RAB40C: variants seen among roughly 807,000 people sequenced by gnomAD.
RAB40C encodes ras-related protein Rab-40C.
In RAB40C, 8 loss-of-function variants were observed where a neutral mutation model predicts 28.1. The observed-to-expected ratio is 0.28, with a 90% CI of 0.17 to 0.51. The LOEUF (loss-of-function observed/expected upper bound fraction) is 0.51. Among genes scored for constraint, RAB40C ranks in the 20% least tolerant of loss-of-function variants. The probability of loss-of-function intolerance (pLI) is 0.97; values close to 1 mark genes in which losing one functional copy is unlikely to be tolerated. For synonymous variants in RAB40C, 201 were observed against 171.7 expected (o/e 1.17, Z -1.34); for missense variants, 288 against 405.9 (o/e 0.71, Z 2.50).
At chr16:624,572 C>T in intron 3 of RAB40C, 1 of 985,360 alleles carries the variant, frequency 1.0e-6, no homozygotes, top group Non-Finnish European at 1.2e-6. Flanking sequence ...CTCTAAAAAC[C>T]CTAATTTTCA....
chr16:600,488 C>T (rs866885378), intron 1 of RAB40C, among the ~76,000 whole-genome samples: 20 of 152,236 alleles, frequency 1.3e-4, no homozygotes, highest in African/African-American at 4.6e-4. Flanking sequence ...CACGGTGGCT[C>T]ACGCCTGTGA....
intron 1 of RAB40C, 48 bp downstream of exon 1, chr16:590,481 G>A (rs1204227744): frequency 2.0e-6 from 3 of 1,483,218 alleles, no homozygotes. Flanking sequence ...CCCGAGCCCG[G>A]CGAGCTGGGC....
In RAB40C at chr16:629,216, C is replaced by T. The variant is rs1284910859; in HGVS notation, c.*1594C>T. On this transcript the variant is annotated 3_prime_UTR_variant, in exon 6 of 6. Coordinates refer to ENST00000248139, the MANE Select transcript of RAB40C (RefSeq NM_021168.5). ...CGCTGCTGTTAGACACTCCGCCATT[C>T]CTGGTTCTCTCCGAACCGTTCTTTG... The T allele has an allele frequency of 3.9e-6, 1 of 257,018 alleles. No homozygotes were observed. The highest frequency in any genetic ancestry group is 8.0e-6 in the Non-Finnish European group (1 of 124,618). The allele number at this position is 257,018 out of a possible 1,614,324, so 15.9% of individuals were successfully genotyped here.
chr16:590,186 G>T lies in RAB40C; in HGVS notation c.-106G>T. 1 of 854,076 alleles carries T rather than the reference G, an allele frequency of 1.2e-6. No homozygotes were observed. The highest frequency in any genetic ancestry group is 1.4e-6 in the Non-Finnish European group (1 of 696,662). The allele number at this position is 854,076 out of a possible 1,614,324, so 52.9% of individuals were successfully genotyped here. ...CGGGCGCGCCCACTCGGCCGCCGTGGGGCGGACGCAACGGGCGCAGGTGCG... is the reference window on the plus strand; with the variant it reads ...CGGGCGCGCCCACTCGGCCGCCGTGTGGCGGACGCAACGGGCGCAGGTGCG... On this transcript the variant is annotated 5_prime_UTR_variant, in exon 1 of 6. Coordinates refer to ENST00000248139, the MANE Select transcript of RAB40C (RefSeq NM_021168.5).
intron 1 of RAB40C, among the ~76,000 whole-genome samples, chr16:593,083 G>C (rs751758957): frequency 5.9e-5 from 9 of 152,232 alleles, no homozygotes; most frequent in East Asian, 1.9e-4. Context: ...CTGTGGCCTC[G>C]AGCAGAGAAG....
At chr16:600,797 A>T (rs1791537525) in intron 1 of RAB40C, among the ~76,000 whole-genome samples, 1 of 152,210 alleles carries the variant, frequency 6.6e-6, no homozygotes, top group South Asian at 2.1e-4. Flanking sequence ...CGTCACACAG[A>T]CAGTTTAACA....
chr16:598,050 T>G (rs1054385550), intron 1 of RAB40C, among the ~76,000 whole-genome samples: 7 of 142,800 alleles, frequency 4.9e-5, no homozygotes, highest in African/African-American at 1.0e-4. Context: ...ATTGAGACCA[T>G]CCTGGCCAAC....
chr16:599,454 C>T lies in RAB40C; in HGVS notation c.142+9021C>T, dbSNP rs145862810. Reference sequence around the variant, plus strand: ...CAGGTCAGCAAGGAGGAGGCAGCTTCCCTTGGGGCCACGCCGTGCCTCCTC... The same window carrying T: ...CAGGTCAGCAAGGAGGAGGCAGCTTTCCTTGGGGCCACGCCGTGCCTCCTC... On this transcript the variant is annotated intron_variant, in intron 1 of 5. Coordinates refer to ENST00000248139, the MANE Select transcript of RAB40C (RefSeq NM_021168.5). Among the ~76,000 whole-genome samples, 98 of 152,388 alleles carry T rather than the reference C, an allele frequency of 6.4e-4. 6 individuals carry two copies. In the South Asian group the frequency reaches 0.012, roughly 18 times the overall value.
chr16:619,328 A>ATG (rs1244433189), intron 3 of RAB40C, among the ~76,000 whole-genome samples: 1 of 146,228 alleles, frequency 6.8e-6, no homozygotes, highest in African/African-American at 2.6e-5. Flanking sequence ...ACTCAGGGCC[A>ATG]TGTGTGTGTG....
chr16:623,299 A>G (rs1344595831), intron 3 of RAB40C, among the ~76,000 whole-genome samples: 1 of 152,174 alleles, frequency 6.6e-6, no homozygotes, highest in African/African-American at 2.4e-5. Context: ...CATTTGTTTT[A>G]TGTCCATATA....
intron 1 of RAB40C, among the ~76,000 whole-genome samples, chr16:590,759 T>C (rs2035976681): frequency 1.3e-5 from 2 of 150,928 alleles, no homozygotes; most frequent in South Asian, 4.2e-4. Context: ...GGGGAAGGTG[T>C]CATGGGTCCT....
At chr16:617,814 G>A (rs1042008918) in intron 2 of RAB40C, among the ~76,000 whole-genome samples, 1 of 152,062 alleles carries the variant, frequency 6.6e-6, no homozygotes, top group Non-Finnish European at 1.5e-5. Context: ...CTGCACTCCA[G>A]CCTGGGTGAC....
chr16:601,177 G>A (rs2036241376), intron 1 of RAB40C, among the ~76,000 whole-genome samples: 2 of 152,174 alleles, frequency 1.3e-5, no homozygotes, highest in Non-Finnish European at 2.9e-5. Context: ...TGTGGAGCTG[G>A]TTTGACTTTT....
intron 3 of RAB40C, among the ~76,000 whole-genome samples, chr16:621,197 G>A (rs1005906603): frequency 3.9e-5 from 6 of 152,192 alleles, no homozygotes; most frequent in East Asian, 1.9e-4. Context: ...GTCTCCAGGC[G>A]GGCCTCTGAC....
Position 628,994 on chromosome 16 carries a change from C to T in RAB40C, c.*1372C>T, listed in dbSNP as rs920994865. 5 of 155,178 alleles carry T rather than the reference C, an allele frequency of 3.2e-5. No individual in the cohort carries two copies. Among genetic ancestry groups the T allele is most frequent in the African/African-American group, 4.8e-5 (2 of 41,506 alleles). 9.6% of individuals were successfully genotyped at this position (155,178 alleles called of 1,614,324 possible). On this transcript the variant is annotated 3_prime_UTR_variant, in exon 6 of 6. Coordinates refer to ENST00000248139, the MANE Select transcript of RAB40C (RefSeq NM_021168.5). ...AGATGAGGGCCGTGGCCTGCATGAA[C>T]TACCAGATGAGTAAGGGAACCCCAG...
chr16:591,544 C>G lies in RAB40C; in HGVS notation c.142+1111C>G, dbSNP rs190857461. Among the ~76,000 whole-genome samples the G allele has an allele frequency of 1.4e-3, 206 of 152,114 alleles. 3 individuals are homozygous for G. Among genetic ancestry groups the G allele is most frequent in the African/African-American group, 4.4e-3 (182 of 41,482 alleles). On this transcript the variant is annotated intron_variant, in intron 1 of 5. Coordinates refer to ENST00000248139, the MANE Select transcript of RAB40C (RefSeq NM_021168.5). Reference sequence around the variant, plus strand: ...CGCTTTGTGCTAGAAGAAAATACCTCTGTAATGAGTTACTGAACATTTGTT... The same window carrying G: ...CGCTTTGTGCTAGAAGAAAATACCTGTGTAATGAGTTACTGAACATTTGTT...
intron 2 of RAB40C, 121 bp from the exon 3 acceptor site, chr16:618,079 G>A (rs2036625550): frequency 1.2e-6 from 1 of 850,428 alleles, no homozygotes; most frequent in Non-Finnish European, 1.9e-6. Flanking sequence ...CAGCCTCATT[G>A]GCACCTGTCC....
Position 590,193 on chromosome 16 carries a change from C to T in RAB40C, c.-99C>T, listed in dbSNP as rs974091233. 6 of 917,898 alleles carry T rather than the reference C, an allele frequency of 6.5e-6. No homozygotes were observed. In the African/African-American group the frequency reaches 1.1e-4, roughly 17 times the overall value. The allele number at this position is 917,898 out of a possible 1,614,324, so 56.9% of individuals were successfully genotyped here. A position where few individuals can be genotyped will look rare whatever the true frequency, so the allele number is the denominator to read the frequency against. On this transcript the variant is annotated 5_prime_UTR_variant, in exon 1 of 6. In the 5' UTR this introduces an upstream ATG that the reference lacks. Transcript: ENST00000248139. ...GCCCACTCGGCCGCCGTGGGGCGGACGCAACGGGCGCAGGTGCGGGGCGCG... is the reference window on the plus strand; with the variant it reads ...GCCCACTCGGCCGCCGTGGGGCGGATGCAACGGGCGCAGGTGCGGGGCGCG...
chr16:590,369 C>T lies in RAB40C; in HGVS notation c.78C>T (p.Gly26=). The T allele has an allele frequency of 6.3e-7, 1 of 1,598,368 alleles. No individual in the cohort carries two copies. Among genetic ancestry groups the T allele is most frequent in the South Asian group, 1.1e-5 (1 of 89,406 alleles). The change falls in exon 1 of 6, where the codon GGC becomes GGT. Residue 26 remains glycine (G), a synonymous_variant. Coordinates refer to ENST00000248139, the MANE Select transcript of RAB40C (RefSeq NM_021168.5). ...KFLLVGDSDV[G]KGEILESLQD... is the part of the protein sequence containing the mutation. ...TGCTGGTGGGCGACAGCGACGTGGGCAAGGGCGAGATCCTGGAGAGCCTGC... is the reference window on the plus strand; with the variant it reads ...TGCTGGTGGGCGACAGCGACGTGGGTAAGGGCGAGATCCTGGAGAGCCTGC...
Sources: gnomAD v4.1 joint callset for allele counts (sites outside exome capture counted in the v4.1 genomes callset) on GRCh38, gnomAD v4.1.1 for gene constraint, MANE v1.5 for transcripts, NCBI Gene and HGNC (gene_info 2026-07-23, HGNC 2026-07-21) for gene names.